SOX13: variants seen among roughly 807,000 people sequenced by gnomAD.
SOX13 encodes transcription factor SOX-13.
Under a neutral mutation model 71.8 loss-of-function variants are expected in SOX13, and 28 were observed. That is an observed-to-expected ratio of 0.39 (90% CI 0.29 to 0.53). SOX13 has a LOEUF of 0.53. Among genes scored for constraint, SOX13 ranks in the 20% least tolerant of loss-of-function variants. SOX13 has a pLI of 0.70. For missense variants in SOX13, 627 were observed against 810.3 expected (o/e 0.77, Z 2.75); for synonymous variants, 309 against 317.8 (o/e 0.97, Z 0.29).
At chr1:204,119,966 A>G (rs1245613002) in intron 7 of SOX13, 1 of 152,186 alleles carries the variant, frequency 6.6e-6, no homozygotes, top group East Asian at 1.9e-4. Flanking sequence ...TGTCTGTACC[A>G]CTGCACACCC....
At position 204,117,602 on chromosome 1, in the gene SOX13, A is replaced by G. The variant is rs1223531550; in HGVS notation, c.670A>G (p.Met224Val). 2 of 1,610,786 alleles carry G rather than the reference A, an allele frequency of 1.2e-6. No individual in the cohort carries two copies. The highest frequency in any genetic ancestry group is 1.7e-6 in the Non-Finnish European group (2 of 1,178,114). Residue 224 changes from methionine to valine, a missense_variant, in exon 7 of 14, where the codon ATG becomes GTG. This residue lies in a region of SOX13 where 447 missense variants were observed against 532.2 expected (regional missense o/e 0.84). Coordinates refer to ENST00000367204, the MANE Select transcript of SOX13 (RefSeq NM_005686.3). ...GTTTCTTTGCCTTCAGCAGGTTAAC[A>G]TGCCTTATGTCATGATCCCAGCCTT... ...LLQQQIQQVN[M>V]PYVMIPAFPP...
intron 1 of SOX13, among the ~76,000 whole-genome samples, chr1:204,079,125 T>C (rs1571562120): frequency 1.3e-5 from 2 of 151,954 alleles, no homozygotes; most frequent in Admixed American, 6.6e-5. Context: ...GGTGAAACCC[T>C]GTCTCTACTA....
intron 1 of SOX13, among the ~76,000 whole-genome samples, chr1:204,080,788 TG>T (rs1238747901): frequency 1.3e-5 from 2 of 152,076 alleles, no homozygotes; most frequent in Non-Finnish European, 2.9e-5. Flanking sequence ...ACTAGCCATT[TG>T]AAGGTTTTCA....
intron 7 of SOX13, among the ~76,000 whole-genome samples, chr1:204,120,680 G>A (rs1298733693): frequency 6.6e-6 from 1 of 152,138 alleles, no homozygotes; most frequent in East Asian, 1.9e-4. Context: ...CGCACACCTC[G>A]GCTCCCACAG....
intron 1 of SOX13, among the ~76,000 whole-genome samples, chr1:204,085,519 G>A (rs1655998213): frequency 6.6e-6 from 1 of 152,168 alleles, no homozygotes; most frequent in Admixed American, 6.5e-5. Flanking sequence ...CTGGACACCA[G>A]TGATGTCCAA....
At chr1:204,107,774 C>A (rs1330582166) in intron 1 of SOX13, among the ~76,000 whole-genome samples, 1 of 152,178 alleles carries the variant, frequency 6.6e-6, no homozygotes, top group African/African-American at 2.4e-5. Flanking sequence ...TTTTCATGGA[C>A]AAGTGGGCCC....
chr1:204,107,336 A>G (rs1656489936), intron 1 of SOX13, among the ~76,000 whole-genome samples: 1 of 151,956 alleles, frequency 6.6e-6, no homozygotes, highest in Non-Finnish European at 1.5e-5. Context: ...TTGTCCCCTG[A>G]CTCCCTCCAG....
In SOX13 at chr1:204,123,148, C is replaced by T. The variant is rs769776434; in HGVS notation, c.1171C>T (p.Arg391Trp). The T allele has an allele frequency of 1.2e-5, 19 of 1,613,502 alleles. No homozygotes were observed. Among genetic ancestry groups the T allele is most frequent in the East Asian group, 2.2e-5 (1 of 44,894 alleles). The change falls in exon 11 of 14, where the codon CGG (arginine) becomes TGG (tryptophan). Residue 391 changes from arginine (R) to tryptophan (W), a missense_variant. By Grantham distance (101) the Arg-to-Trp change is moderately radical. This residue lies in a region of SOX13 where 447 missense variants were observed against 532.2 expected (regional missense o/e 0.84). Coordinates refer to ENST00000367204, the MANE Select transcript of SOX13 (RefSeq NM_005686.3). The surrounding 1 kb of genome is among the most constrained non-coding windows in gnomAD (Gnocchi z 5.0). ...ISLDSSPAKE[R>W]LEDGCVHPLE... is the part of the protein sequence containing the mutation. The stretch of plus-strand genomic sequence containing the variant: ...CCTGGACTCATCCCCAGCCAAGGAG[C>T]GGCTGGAGGACGGCTGTGTGCACCC...
intron 6 of SOX13, 51 bp from the exon 7 acceptor site, chr1:204,117,542 G>C (rs1169468035): frequency 1.4e-5 from 17 of 1,178,746 alleles, no homozygotes; most frequent in Non-Finnish European, 2.1e-5. Context: ...GACCATAGCT[G>C]GGTAGCTCTT....
In SOX13 at chr1:204,125,852, C is replaced by T. The variant is rs1468981345; in HGVS notation, c.1593-6C>T. 1 of 1,606,362 alleles carries T rather than the reference C, an allele frequency of 6.2e-7. No homozygotes were observed. The highest frequency in any genetic ancestry group is 1.7e-5 in the Admixed American group (1 of 59,902). The stretch of plus-strand genomic sequence containing the variant: ...TCCATCACCGTTCCCCTTCTCTGCC[C>T]CACAGCCCGCAGGCTGGCCAGGTGC... On this transcript the variant is annotated splice_region_variant and splice_polypyrimidine_tract_variant and intron_variant, in intron 13 of 13. Coordinates refer to ENST00000367204, the MANE Select transcript of SOX13 (RefSeq NM_005686.3).
At chr1:204,078,833 G>A (rs576716150) in intron 1 of SOX13, among the ~76,000 whole-genome samples, 135 of 152,336 alleles carry the variant, frequency 8.9e-4, no homozygotes, top group African/African-American at 3.1e-3. Flanking sequence ...AGCTCAGCAG[G>A]GTTCCTCCGA....
chr1:204,121,937 C>A lies in SOX13; in HGVS notation c.813C>A (p.Ala271=). The part of the protein sequence containing the change: ...YPLQLLHSPP[A]PVVKRPGAMA... ...TGCAGCTGCTGCACAGCCCCCCTGC[C>A]CCAGTGGTGAAGAGGCCTGGGGCCA... Residue 271 remains alanine, a synonymous_variant, in exon 8 of 14, where the codon GCC becomes GCA. Transcript: ENST00000367204. 6.2e-7 allele frequency: 1 copy of A among 1,613,074 alleles called. No individual in the cohort carries two copies. Among genetic ancestry groups the A allele is most frequent in the Non-Finnish European group, 8.5e-7 (1 of 1,179,150 alleles).
At chr1:204,084,718 G>A (rs1474398691) in intron 1 of SOX13, among the ~76,000 whole-genome samples, 2 of 152,148 alleles carry the variant, frequency 1.3e-5, no homozygotes, top group African/African-American at 4.8e-5. Flanking sequence ...CTCCTCTCAG[G>A]CCCCGCCCAG....
intron 1 of SOX13, among the ~76,000 whole-genome samples, chr1:204,096,508 G>A (rs1296209045): frequency 6.6e-6 from 1 of 151,590 alleles, no homozygotes; most frequent in African/African-American, 2.4e-5. Flanking sequence ...CCTCCATCTC[G>A]TGGGCTCAAG....
At chr1:204,122,559 CT>C (rs1656831352) in intron 9 of SOX13, 160 bp downstream of exon 9, 1 of 630,772 alleles carries the variant, frequency 1.6e-6, no homozygotes, top group African/African-American at 1.8e-5. Context: ...CTTCCTCTCC[CT>C]CATCATATCT....
chr1:204,117,604 G>A lies in SOX13; in HGVS notation c.672G>A (p.Met224Ile). 1 of 1,611,212 alleles carries A rather than the reference G, an allele frequency of 6.2e-7. No individual in the cohort carries two copies. The highest frequency in any genetic ancestry group is 1.1e-5 in the South Asian group (1 of 90,328). Reference sequence around the variant, plus strand: ...TTCTTTGCCTTCAGCAGGTTAACATGCCTTATGTCATGATCCCAGCCTTCC... The same window carrying A: ...TTCTTTGCCTTCAGCAGGTTAACATACCTTATGTCATGATCCCAGCCTTCC... ...LLQQQIQQVNMPYVMIPAFPP... is the reference protein window; with the variant it reads ...LLQQQIQQVNIPYVMIPAFPP... Residue 224 changes from methionine (M) to isoleucine (I), a missense_variant, in exon 7 of 14, where the codon ATG becomes ATA. By Grantham distance (10) the Met-to-Ile change is conservative. Coordinates refer to ENST00000367204, the MANE Select transcript of SOX13 (RefSeq NM_005686.3).
chr1:204,090,931 A>G (rs1011431600), intron 1 of SOX13, among the ~76,000 whole-genome samples: 5 of 152,092 alleles, frequency 3.3e-5, no homozygotes, highest in Non-Finnish European at 7.4e-5. Flanking sequence ...GTTAGTTTAG[A>G]TTGCAGTTAG....
intron 1 of SOX13, 21 bp from the exon 2 acceptor site, chr1:204,112,894 C>G: frequency 1.2e-6 from 2 of 1,602,382 alleles, no homozygotes; most frequent in Non-Finnish European, 1.7e-6. Context: ...CTCACCTCAG[C>G]TCACTCTGTC....
intron 1 of SOX13, among the ~76,000 whole-genome samples, chr1:204,088,889 C>T (rs1244863184): frequency 1.3e-5 from 2 of 152,116 alleles, no homozygotes; most frequent in African/African-American, 2.4e-5. Context: ...TGTGCAGGCT[C>T]CTCGGGACCT....
Sources: allele counts gnomAD v4.1 joint callset (sites outside exome capture counted in the v4.1 genomes callset), GRCh38; gene constraint gnomAD v4.1.1; regional missense constraint gnomAD v4.1.1; non-coding constraint Gnocchi (gnomAD v3.1); transcripts MANE v1.5; gene names NCBI Gene and HGNC (gene_info 2026-07-23, HGNC 2026-07-21).